PIK3R2: variants seen among roughly 807,000 people sequenced by gnomAD.
PIK3R2 encodes phosphoinositide-3-kinase regulatory subunit 2, also known as phosphatidylinositol 3-kinase regulatory subunit beta.
A neutral mutation model predicts 78.5 loss-of-function variants in PIK3R2; 40 were observed. That is an observed-to-expected ratio of 0.51 (90% confidence interval 0.40 to 0.66). PIK3R2 has a LOEUF of 0.66. PIK3R2 is among the 30% of genes least tolerant of loss of function. The pLI, the probability that PIK3R2 is intolerant of heterozygous loss-of-function variation, is 0.00. For synonymous variants in PIK3R2, 473 were observed against 457.7 expected, an observed-to-expected ratio of 1.03 and a Z score of -0.43; for missense variants, 880 against 1,026.6, an observed-to-expected ratio of 0.86 and a Z score of 1.95.
chr19:18,156,125 C>T lies in PIK3R2; in HGVS notation c.246C>T (p.Ala82=). The change falls in exon 2 of 16, where the codon GCC becomes GCT. Residue 82 remains alanine (A), a synonymous_variant. Transcript: ENST00000222254. This position sits in a 1 kb window ranked among gnomAD's most constrained non-coding sequence, Gnocchi z 4.2. The part of the protein sequence containing the change: ...GTYVEFLGPV[A]LARPGPRPRG... ...ATGTGGAGTTCCTGGGGCCCGTGGCCCTGGCCCGGCCCGGCCCTCGCCCAC... is the reference window on the plus strand; with the variant it reads ...ATGTGGAGTTCCTGGGGCCCGTGGCTCTGGCCCGGCCCGGCCCTCGCCCAC... The T allele has an allele frequency of 6.6e-7, 1 of 1,521,080 alleles. No individual in the cohort carries two copies. The allele number at this position is 1,521,080 out of a possible 1,614,324, so 94.2% of individuals were successfully genotyped here.
intron 12 of PIK3R2, 67 bp downstream of exon 12, chr19:18,166,369 A>G (rs1196275088): frequency 1.4e-6 from 2 of 1,381,134 alleles, no homozygotes; most frequent in East Asian, 2.3e-5. Flanking sequence ...CAGGGAGGGA[A>G]GGAAGCAGAA....
Position 18,168,051 on chromosome 19 carries a change from G to A in PIK3R2, c.1737-424G>A, listed in dbSNP as rs1413096657. 6.6e-6 allele frequency among the ~76,000 whole-genome samples: 1 copy of A among 152,148 alleles called. No homozygotes were observed. Among genetic ancestry groups the A allele is most frequent in the Non-Finnish European group, 1.5e-5 (1 of 68,040 alleles). On this transcript the variant is annotated intron_variant, in intron 13 of 15. Coordinates refer to ENST00000222254, the MANE Select transcript of PIK3R2 (RefSeq NM_005027.4). This position sits in a 1 kb window ranked among gnomAD's most constrained non-coding sequence, Gnocchi z 4.1. Reference sequence around the variant, plus strand: ...GGCACTGTCGCGTGCCAGGTGCTGTGCTAAGCACCGTGCTCGTTATGAGTT... The same window carrying A: ...GGCACTGTCGCGTGCCAGGTGCTGTACTAAGCACCGTGCTCGTTATGAGTT...
At chr19:18,163,943 A>G (rs1406884133) in intron 11 of PIK3R2, among the ~76,000 whole-genome samples, 6 of 152,128 alleles carry the variant, frequency 3.9e-5, no homozygotes, top group Admixed American at 2.0e-4. Context: ...CTTGGCCAAC[A>G]TGTTGAAACC....
chr19:18,159,104 A>C (rs1014858158), intron 2 of PIK3R2, among the ~76,000 whole-genome samples: 21 of 134,226 alleles, frequency 1.6e-4, no homozygotes, highest in African/African-American at 5.6e-4. Flanking sequence ...GGCCTCCCAA[A>C]GTGCTGGGAT....
intron 1 of PIK3R2, among the ~76,000 whole-genome samples, chr19:18,154,094 A>G (rs1046189270): frequency 6.6e-6 from 1 of 151,750 alleles, no homozygotes; most frequent in Non-Finnish European, 1.5e-5. Context: ...AACTTAACCC[A>G]CTGCCAAGGC....
intron 2 of PIK3R2, among the ~76,000 whole-genome samples, chr19:18,158,515 AC>A (rs2043704168): frequency 6.7e-6 from 1 of 150,316 alleles, no homozygotes; most frequent in Admixed American, 6.6e-5. Context: ...AACAACAACA[AC>A]AAAAAACGAG....
rs535008003 is a variant in PIK3R2 at position 18,163,050 on chromosome 19, T to C, written c.1193T>C (p.Val398Ala). ...TCAGAGCCACTCACCTTCTGCTCCG[T>C]TGTGGACCTCATCAATCACTACCGC... ...GFSEPLTFCS[V>A]VDLINHYRHE... Residue 398 changes from valine (V) to alanine (A), a missense_variant, in exon 10 of 16, where the codon GTT becomes GCT. By Grantham distance (64) the Val-to-Ala change is moderately conservative. This residue lies in a region of PIK3R2 where 156 missense variants were observed against 241.0 expected (regional missense o/e 0.65). Coordinates refer to ENST00000222254, the MANE Select transcript of PIK3R2 (RefSeq NM_005027.4). 6.2e-7 allele frequency: 1 copy of C among 1,612,398 alleles called. No individual in the cohort carries two copies. The highest frequency in any genetic ancestry group is 8.5e-7 in the Non-Finnish European group (1 of 1,179,774).
intron 1 of PIK3R2, among the ~76,000 whole-genome samples, chr19:18,153,572 T>A (rs2043643693): frequency 6.6e-6 from 1 of 151,942 alleles, no homozygotes; most frequent in African/African-American, 2.4e-5. Context: ...AGGCCCTGCC[T>A]GGAATGGGGC....
chr19:18,168,937 A>G lies in PIK3R2; in HGVS notation c.1979+41A>G. On this transcript the variant is annotated intron_variant, in intron 15 of 15. Coordinates refer to ENST00000222254, the MANE Select transcript of PIK3R2 (RefSeq NM_005027.4). The surrounding 1 kb of genome is among the most constrained non-coding windows in gnomAD (Gnocchi z 4.1). Reference sequence around the variant, plus strand: ...CGGTGGGGATTCCCGCGTCCCTCCCAGAGCTCTCATTGAATGCCTGCCGCG... The same window carrying G: ...CGGTGGGGATTCCCGCGTCCCTCCCGGAGCTCTCATTGAATGCCTGCCGCG... The G allele has an allele frequency of 1.3e-6, 2 of 1,591,292 alleles. No homozygotes were observed. The highest frequency in any genetic ancestry group is 1.7e-6 in the Non-Finnish European group (2 of 1,167,438).
chr19:18,153,708 T>C (rs908632749), intron 1 of PIK3R2, among the ~76,000 whole-genome samples: 1 of 152,024 alleles, frequency 6.6e-6, no homozygotes, highest in Admixed American at 6.5e-5. Context: ...CAAGTGCGCG[T>C]CTGTGTGAGC....
chr19:18,162,752 T>C, intron 9 of PIK3R2: 1 of 596,674 alleles, frequency 1.7e-6, no homozygotes, highest in South Asian at 2.1e-5. Context: ...TAGCCAGGCA[T>C]GGTGATGGAT....
In PIK3R2 at chr19:18,161,009, G is replaced by T. The variant is rs914898082; in HGVS notation, c.466+40G>T. On this transcript the variant is annotated intron_variant, in intron 4 of 15. Coordinates refer to ENST00000222254, the MANE Select transcript of PIK3R2 (RefSeq NM_005027.4). The surrounding 1 kb of genome is among the most constrained non-coding windows in gnomAD (Gnocchi z 5.3). ...CAATGGGGTTGGGAGGAGGCTGGGG[G>T]CCCCAGTACACATGAGTTGGACGTG... The T allele has an allele frequency of 6.2e-7, 1 of 1,612,144 alleles. No homozygotes were observed. Among genetic ancestry groups the T allele is most frequent in the Non-Finnish European group, 8.5e-7 (1 of 1,179,450 alleles).
chr19:18,153,460 G>C (rs1351680398), intron 1 of PIK3R2, among the ~76,000 whole-genome samples, 166 bp downstream of exon 1: 1 of 152,186 alleles, frequency 6.6e-6, no homozygotes, highest in Non-Finnish European at 1.5e-5. Context: ...CCTCGGGCTC[G>C]GCTCCGCAGC....
chr19:18,161,819 G>A lies in PIK3R2; in HGVS notation c.816-147G>A, dbSNP rs1002225366. ...ATACAGCTATGAGGGAGCTGGCCTC[G>A]CACATGTGCCTGTATCATCTCCTCC... On this transcript the variant is annotated intron_variant, in intron 6 of 15. Coordinates refer to ENST00000222254, the MANE Select transcript of PIK3R2 (RefSeq NM_005027.4). The surrounding 1 kb of genome is among the most constrained non-coding windows in gnomAD (Gnocchi z 5.3). 3.5e-5 allele frequency: 23 copies of A among 659,066 alleles called. No homozygotes were observed. Among genetic ancestry groups the A allele is most frequent in the Admixed American group, 1.3e-4 (5 of 39,888 alleles). The allele number at this position is 659,066 out of a possible 1,614,324, so 40.8% of individuals were successfully genotyped here.
chr19:18,166,047 G>A (rs368711398), intron 11 of PIK3R2, 113 bp from the exon 12 acceptor site: 13 of 1,358,750 alleles, frequency 9.6e-6, no homozygotes, highest in Admixed American at 6.7e-5. Context: ...ATGACACTCT[G>A]ATAGAGGGAC....
At position 18,170,016 on chromosome 19, in the gene PIK3R2, C is replaced by G. The variant is rs1050433082; in HGVS notation, c.*722C>G. The G allele has an allele frequency of 5.7e-6, 1 of 175,968 alleles. No individual in the cohort carries two copies. Among genetic ancestry groups the G allele is most frequent in the African/African-American group, 2.4e-5 (1 of 42,206 alleles). The allele number at this position is 175,968 out of a possible 1,614,324, so 10.9% of individuals were successfully genotyped here. A position where few individuals can be genotyped will look rare whatever the true frequency, so the allele number is the denominator to read the frequency against. Reference sequence around the variant, plus strand: ...TTGAGGTCGGGAGTTGGAGGCCAGCCTGGCCAAAATGGCAAAACCCCGCAT... The same window carrying G: ...TTGAGGTCGGGAGTTGGAGGCCAGCGTGGCCAAAATGGCAAAACCCCGCAT... On this transcript the variant is annotated 3_prime_UTR_variant, in exon 16 of 16. Coordinates refer to ENST00000222254, the MANE Select transcript of PIK3R2 (RefSeq NM_005027.4).
Position 18,168,332 on chromosome 19 carries a change from C to T in PIK3R2, c.1737-143C>T, listed in dbSNP as rs2043828943. ...GGGTTCAGGCTGCCCTGAGCCAGGT[C>T]AGCTCTGCCCTCTTGTGGCAACCGG... is the stretch of plus-strand genomic sequence containing the variant. On this transcript the variant is annotated intron_variant, in intron 13 of 15. Transcript: ENST00000222254. This position sits in a 1 kb window ranked among gnomAD's most constrained non-coding sequence, Gnocchi z 4.1. 7.8e-6 allele frequency: 5 copies of T among 641,204 alleles called. No individual in the cohort carries two copies. The highest frequency in any genetic ancestry group is 3.5e-5 in the South Asian group (2 of 56,656). The allele number at this position is 641,204 out of a possible 1,614,324, so 39.7% of individuals were successfully genotyped here.
chr19:18,161,300 C>A lies in PIK3R2; in HGVS notation c.620C>A (p.Pro207Gln). 7.2e-7 allele frequency: 1 copy of A among 1,382,490 alleles called. No homozygotes were observed. Among genetic ancestry groups the A allele is most frequent in the Admixed American group, 3.6e-5 (1 of 27,908 alleles). The allele number at this position is 1,382,490 out of a possible 1,614,324, so 85.6% of individuals were successfully genotyped here. Residue 207 changes from proline to glutamine, a missense_variant, in exon 6 of 16, where the codon CCG (proline) becomes CAG (glutamine). By Grantham distance (76) the Pro-to-Gln change is moderately conservative. Transcript: ENST00000222254. This position sits in a 1 kb window ranked among gnomAD's most constrained non-coding sequence, Gnocchi z 5.3. ...ALREAAGPVG[P>Q]ALEPPTLPLH... ...GCAGAGGCCGCGGGGCCCGTGGGGCCGGCGCTGGAGCCACCGACGCTGCCG... is the reference window on the plus strand; with the variant it reads ...GCAGAGGCCGCGGGGCCCGTGGGGCAGGCGCTGGAGCCACCGACGCTGCCG...
intron 11 of PIK3R2, among the ~76,000 whole-genome samples, chr19:18,165,839 A>G (rs1328848186): frequency 6.6e-6 from 1 of 152,192 alleles, no homozygotes; most frequent in Non-Finnish European, 1.5e-5. Flanking sequence ...GGGACAAAGT[A>G]AGGAAAGTCG....
Sources: gnomAD v4.1 joint callset for allele counts (sites outside exome capture counted in the v4.1 genomes callset) on GRCh38, gnomAD v4.1.1 for gene constraint, gnomAD v4.1.1 regional missense constraint, Gnocchi (gnomAD v3.1) non-coding constraint, MANE v1.5 for transcripts, NCBI Gene and HGNC (gene_info 2026-07-23, HGNC 2026-07-21) for gene names.